SUSD1: variants seen among roughly 807,000 people sequenced by gnomAD.
SUSD1 encodes the protein sushi domain containing 1.
SUSD1 carries 65 observed loss-of-function variants against 86.9 expected under a neutral mutation model. That is an observed-to-expected ratio of 0.75 (90% confidence interval 0.61 to 0.92). The LOEUF is 0.92. SUSD1 is among the 40% of genes least tolerant of loss of function. SUSD1 has a pLI of 0.00. For missense variants in SUSD1, 850 were observed against 929.7 expected, an observed-to-expected ratio of 0.91 and a Z score of 1.11; for synonymous variants, 346 against 350.0, an observed-to-expected ratio of 0.99 and a Z score of 0.13.
At chr9:112,069,293 C>A (rs879518198) in intron 12 of SUSD1, among the ~76,000 whole-genome samples, 3 of 152,168 alleles carry the variant, frequency 2.0e-5, no homozygotes, top group East Asian at 1.9e-4. Flanking sequence ...CCTAAACCTG[C>A]GGCATTGCCA....
At chr9:112,173,664 C>T (rs534636014) in intron 1 of SUSD1, 8 of 453,886 alleles carry the variant, frequency 1.8e-5, no homozygotes, top group East Asian at 5.8e-5. Context: ...AATGCGGGCA[C>T]GAGCACGTTT....
At chr9:112,133,601 A>T (rs1832128032) in intron 5 of SUSD1, among the ~76,000 whole-genome samples, 1 of 152,228 alleles carries the variant, frequency 6.6e-6, no homozygotes, top group Non-Finnish European at 1.5e-5. Context: ...TAAGACCACA[A>T]ACTGTAAGAA....
At chr9:112,091,350 A>G (rs1031859896) in intron 10 of SUSD1, among the ~76,000 whole-genome samples, 3 of 152,222 alleles carry the variant, frequency 2.0e-5, no homozygotes, top group Admixed American at 2.0e-4. Context: ...TTATGGGGGA[A>G]GTTTTATAAA....
chr9:112,158,174 T>A lies in SUSD1; in HGVS notation c.104-561A>T, dbSNP rs897764313. 2.1e-4 allele frequency among the ~76,000 whole-genome samples: 32 copies of A among 152,142 alleles called. 1 individual carries two copies. Among genetic ancestry groups the A allele is most frequent in the African/African-American group, 7.2e-4 (30 of 41,524 alleles). On this transcript the variant is annotated intron_variant, in intron 1 of 16. Coordinates refer to ENST00000374270, the MANE Select transcript of SUSD1 (RefSeq NM_022486.5). The stretch of plus-strand genomic sequence containing the variant: ...CTCCAGACATACTCCTCCAGCCTCA[T>A]TGTTTCCGAGCCCCAACCACACATG...
chr9:112,064,736 C>T (rs1171966570), intron 12 of SUSD1, among the ~76,000 whole-genome samples: 3 of 152,204 alleles, frequency 2.0e-5, no homozygotes, highest in South Asian at 2.1e-4. Context: ...ATTAGCCAGG[C>T]GTGGTGGCGG....
intron 1 of SUSD1, among the ~76,000 whole-genome samples, chr9:112,174,520 AATGAGCTCC>A (rs1473278782): frequency 2.6e-5 from 4 of 152,194 alleles, no homozygotes; most frequent in Non-Finnish European, 5.9e-5. Context: ...TCCTCCAGAC[AATGAGCTCC>A]ACGAGGGCCC....
Position 112,098,540 on chromosome 9 carries a change from CGTATAATCAGTCGTAGG to C in SUSD1, c.1387_1403del (p.Pro463GlyfsTer10). ...GAGATCTCAGCAGGGTCACATTCACCGTATAATCAGTCGTAGGGTACAGATCCAAACACACTACAGGC... is the reference window on the plus strand; with the variant it reads ...GAGATCTCAGCAGGGTCACATTCACCGTACAGATCCAAACACACTACAGGC... On this transcript the variant is annotated frameshift_variant, in exon 10 of 17. Transcript: ENST00000374270. LOFTEE classifies it high-confidence loss of function. The C allele has an allele frequency of 1.2e-6, 2 of 1,614,152 alleles. No individual in the cohort carries two copies. Among genetic ancestry groups the C allele is most frequent in the Non-Finnish European group, 1.7e-6 (2 of 1,180,012 alleles).
chr9:112,151,170 C>T, intron 2 of SUSD1, among the ~76,000 whole-genome samples: 1 of 152,162 alleles, frequency 6.6e-6, no homozygotes, highest in Non-Finnish European at 1.5e-5. Flanking sequence ...GTCTCAAACT[C>T]CTGGCCTTAA....
chr9:112,088,978 A>C (rs1052415601), intron 10 of SUSD1, among the ~76,000 whole-genome samples: 11 of 152,144 alleles, frequency 7.2e-5, no homozygotes, highest in Non-Finnish European at 1.6e-4. Flanking sequence ...ACAGTGGCTT[A>C]TGCCTCTAGT....
chr9:112,117,819 T>G (rs577738125), intron 6 of SUSD1, among the ~76,000 whole-genome samples: 1 of 152,154 alleles, frequency 6.6e-6, no homozygotes, highest in Non-Finnish European at 1.5e-5. Context: ...GGATCAACAA[T>G]GCTAAATGTT....
chr9:112,067,918 G>A (rs142055585), intron 12 of SUSD1, among the ~76,000 whole-genome samples: 2 of 152,250 alleles, frequency 1.3e-5, no homozygotes, highest in African/African-American at 4.8e-5. Context: ...TAGCTTTGGG[G>A]TAGAAACCCT....
Position 112,098,618 on chromosome 9 carries a change from A to G in SUSD1, c.1326T>C (p.His442=). Residue 442 remains histidine (H), a synonymous_variant, in exon 10 of 17, where the codon CAT becomes CAC. Coordinates refer to ENST00000374270, the MANE Select transcript of SUSD1 (RefSeq NM_022486.5). ...TCGTTGTGAAGTTAAACGATGTTGC[A>G]TGAGAAAAGTTAGCCAGATACCACC... is the stretch of plus-strand genomic sequence containing the variant. ...GQRWYLANFS[H]ATSFNFTTRE... is the part of the protein sequence containing the mutation. 4 of 1,614,238 alleles carry G rather than the reference A, an allele frequency of 2.5e-6. No individual in the cohort carries two copies. The highest frequency in any genetic ancestry group is 3.3e-4 in the Middle Eastern group (2 of 6,062).
intron 15 of SUSD1, among the ~76,000 whole-genome samples, chr9:112,047,191 C>T (rs1827993059): frequency 6.6e-6 from 1 of 152,124 alleles, no homozygotes; most frequent in Admixed American, 6.6e-5. Context: ...CAGGCACAGT[C>T]TTCACATGGC....
intron 5 of SUSD1, among the ~76,000 whole-genome samples, chr9:112,132,449 A>G (rs563427076): frequency 6.6e-6 from 1 of 152,346 alleles, no homozygotes; most frequent in Admixed American, 6.5e-5. Context: ...GAAGAAAATC[A>G]CATTCGAGTC....
At chr9:112,162,572 C>T (rs1266446332) in intron 1 of SUSD1, among the ~76,000 whole-genome samples, 3 of 151,992 alleles carry the variant, frequency 2.0e-5, no homozygotes, top group African/African-American at 7.2e-5. Flanking sequence ...GTGTGTAGTA[C>T]AATAATAGAC....
intron 2 of SUSD1, among the ~76,000 whole-genome samples, chr9:112,154,161 G>A (rs910710926): frequency 2.6e-5 from 4 of 151,984 alleles, no homozygotes; most frequent in African/African-American, 7.3e-5. Context: ...TTTGTAAAAT[G>A]TAATTGGCTT....
At chr9:112,053,513 CA>C (rs56987871) in intron 14 of SUSD1, among the ~76,000 whole-genome samples, 11,108 of 77,000 alleles carry the variant, frequency 0.14, 152 homozygotes, top group South Asian at 0.22. Context: ...GACTTCGTCT[CA>C]AAAAAAAAAA....
chr9:112,062,979 C>G lies in SUSD1; in HGVS notation c.1808G>C (p.Arg603Pro). The G allele has an allele frequency of 1.2e-6, 2 of 1,613,490 alleles. No individual in the cohort carries two copies. The highest frequency in any genetic ancestry group is 1.7e-6 in the Non-Finnish European group (2 of 1,179,652). The change falls in exon 13 of 17, where the codon CGC (arginine) becomes CCC (proline). Residue 603 changes from arginine to proline, a missense_variant. By Grantham distance (103) the Arg-to-Pro change is moderately radical (BLOSUM62 -2). Coordinates refer to ENST00000374270, the MANE Select transcript of SUSD1 (RefSeq NM_022486.5). ...CTCCTTGGCTTTCCTCAGTCTGAGG[C>G]GTGGTAGAGGTCCTCTGTGCACCGT... Reference protein sequence around the residue: ...FFTVHRGPLPRLRLRKAKEKN... With the variant: ...FFTVHRGPLPPLRLRKAKEKN...
intron 15 of SUSD1, among the ~76,000 whole-genome samples, chr9:112,050,391 G>A (rs980739153): frequency 1.3e-5 from 2 of 152,162 alleles, no homozygotes; most frequent in Non-Finnish European, 2.9e-5. Flanking sequence ...TTGAGCAGAG[G>A]TAAAAAGATG....
Sources: gnomAD v4.1 joint callset for allele counts (sites outside exome capture counted in the v4.1 genomes callset) on GRCh38, gnomAD v4.1.1 for gene constraint, MANE v1.5 for transcripts, NCBI Gene and HGNC (gene_info 2026-07-23, HGNC 2026-07-21) for gene names.